Variants in NR3C2 observed in about 807,000 individuals in gnomAD.
NR3C2 encodes mineralocorticoid receptor.
A neutral mutation model predicts 86.4 loss-of-function variants in NR3C2; 15 were observed. The ratio of observed to expected loss-of-function variants is 0.17; its 90% CI spans 0.12 to 0.27. The LOEUF is 0.27. Among genes scored for constraint, NR3C2 ranks in the 10% least tolerant of loss-of-function variants. The pLI is 1.00. For synonymous variants in NR3C2, 458 were observed against 450.5 expected, an observed-to-expected ratio of 1.02 and a Z score of -0.21; for missense variants, 960 against 1,195.6, an observed-to-expected ratio of 0.80 and a Z score of 2.91.
intron 2 of NR3C2, among the ~76,000 whole-genome samples, chr4:148,381,100 C>T (rs1355289516): frequency 2.0e-5 from 3 of 151,926 alleles, no homozygotes; most frequent in East Asian, 1.9e-4. Context: ...TGGTTGCACA[C>T]GCCTGTAGTC....
At chr4:148,241,319 AAAAAAAAAAAAAAAG>A (rs1353478705) in intron 3 of NR3C2, among the ~76,000 whole-genome samples, 1 of 146,050 alleles carries the variant, frequency 6.8e-6, no homozygotes. Flanking sequence ...AAAAAAAAAA[AAAAAAAAAAAAAAAG>A]GGGAAAAATA....
intron 2 of NR3C2, among the ~76,000 whole-genome samples, chr4:148,315,626 G>A (rs72655299): frequency 1.2e-3 from 185 of 152,244 alleles, no homozygotes; most frequent in African/African-American, 4.3e-3. Context: ...AGAAACAGAA[G>A]TATTTATGAA....
chr4:148,087,769 A>T (rs1730882291), intron 8 of NR3C2, among the ~76,000 whole-genome samples: 1 of 152,214 alleles, frequency 6.6e-6, no homozygotes, highest in Admixed American at 6.5e-5. Flanking sequence ...CCCCTAGAAG[A>T]AAACCTAGCC....
At chr4:148,104,279 C>A (rs1449943247) in intron 8 of NR3C2, among the ~76,000 whole-genome samples, 1 of 150,852 alleles carries the variant, frequency 6.6e-6, no homozygotes, top group South Asian at 2.1e-4. Flanking sequence ...GAAATCTTTA[C>A]ACCTATGAAG....
At chr4:148,112,713 T>C (rs890586388) in intron 8 of NR3C2, among the ~76,000 whole-genome samples, 20 of 152,246 alleles carry the variant, frequency 1.3e-4, no homozygotes, top group African/African-American at 3.9e-4. Flanking sequence ...GTAAATGATA[T>C]GCACAGGGTC....
intron 4 of NR3C2, among the ~76,000 whole-genome samples, chr4:148,175,820 T>C (rs1265452270): frequency 6.6e-6 from 1 of 152,114 alleles, no homozygotes; most frequent in Non-Finnish European, 1.5e-5. Context: ...GAAAACTGAA[T>C]TGAAAGAAAT....
chr4:148,306,011 T>G (rs975548307), intron 2 of NR3C2, among the ~76,000 whole-genome samples: 2 of 152,162 alleles, frequency 1.3e-5, no homozygotes, highest in East Asian at 3.9e-4. Context: ...TGGTTCTATT[T>G]TGAAACAGAC....
chr4:148,430,394 G>A (rs1749745582), intron 2 of NR3C2, among the ~76,000 whole-genome samples: 1 of 152,086 alleles, frequency 6.6e-6, no homozygotes, highest in South Asian at 2.1e-4. Context: ...ACTGTACATA[G>A]TGATTTGTGT....
chr4:148,353,404 T>A (rs1745394279), intron 2 of NR3C2, among the ~76,000 whole-genome samples: 1 of 152,090 alleles, frequency 6.6e-6, no homozygotes, highest in Non-Finnish European at 1.5e-5. Context: ...TAGAAGATTG[T>A]TTAAATACGT....
intron 2 of NR3C2, among the ~76,000 whole-genome samples, chr4:148,339,028 T>C (rs1171144531): frequency 1.3e-5 from 2 of 152,118 alleles, no homozygotes; most frequent in African/African-American, 2.4e-5. Flanking sequence ...CATGAGAAAA[T>C]ATTCAGTTCC....
At chr4:148,354,556 G>C (rs1467415415) in intron 2 of NR3C2, among the ~76,000 whole-genome samples, 1 of 151,976 alleles carries the variant, frequency 6.6e-6, no homozygotes, top group Non-Finnish European at 1.5e-5. Flanking sequence ...ATTTTCCAAA[G>C]AATTGTATTA....
intron 2 of NR3C2, among the ~76,000 whole-genome samples, chr4:148,356,278 A>G: frequency 6.6e-6 from 1 of 152,268 alleles, no homozygotes; most frequent in Admixed American, 6.5e-5. Context: ...TAAAATACTG[A>G]TGAAAACTAA....
chr4:148,327,714 T>G (rs1034829941), intron 2 of NR3C2, among the ~76,000 whole-genome samples: 1 of 152,332 alleles, frequency 6.6e-6, no homozygotes, highest in Non-Finnish European at 1.5e-5. Flanking sequence ...CAAATTGTTG[T>G]TCTTGCTAGT....
chr4:148,109,081 T>C (rs1217457564), intron 8 of NR3C2, among the ~76,000 whole-genome samples: 1 of 152,222 alleles, frequency 6.6e-6, no homozygotes, highest in East Asian at 1.9e-4. Flanking sequence ...AAGGAAGTTC[T>C]GGCTGCCACC....
Position 148,423,708 on chromosome 4 carries a change from T to C in NR3C2, c.1757+11396A>G, listed in dbSNP as rs150357753. On this transcript the variant is annotated intron_variant, in intron 2 of 8. Coordinates refer to ENST00000358102, the MANE Select transcript of NR3C2 (RefSeq NM_000901.5). ...GACTAAATAATTTGAAAATTGCCTA[T>C]TATTATTATTATTTTTGAAACAGAG... Among the ~76,000 whole-genome samples, 110 of 152,186 alleles carry C rather than the reference T, an allele frequency of 7.2e-4. No individual in the cohort carries two copies. The East Asian group carries it at 0.014, about 19-fold the overall frequency.
Position 148,160,309 on chromosome 4 carries a change from T to C in NR3C2, c.2015-5408A>G, listed in dbSNP as rs553989744. Among the ~76,000 whole-genome samples, 35 of 152,314 alleles carry C rather than the reference T, an allele frequency of 2.3e-4. No individual in the cohort carries two copies. In the South Asian group the frequency reaches 6.9e-3, roughly 30 times the overall value. On this transcript the variant is annotated intron_variant, in intron 4 of 8. Coordinates refer to ENST00000358102, the MANE Select transcript of NR3C2 (RefSeq NM_000901.5). Reference sequence around the variant, plus strand: ...AGAGCACATCTTGGTGGGACTCTATTAAAACTGTGACAGATTTCTAATGAG... The same window carrying C: ...AGAGCACATCTTGGTGGGACTCTATCAAAACTGTGACAGATTTCTAATGAG...
intron 2 of NR3C2, among the ~76,000 whole-genome samples, chr4:148,338,941 A>G (rs1744622979): frequency 6.6e-6 from 1 of 152,186 alleles, no homozygotes; most frequent in African/African-American, 2.4e-5. Flanking sequence ...TTTCAATAAC[A>G]TCCCTTTTGC....
Position 148,089,109 on chromosome 4 carries a change from T to C in NR3C2, c.2800-7610A>G, listed in dbSNP as rs577339937. 7.9e-5 allele frequency among the ~76,000 whole-genome samples: 12 copies of C among 152,302 alleles called. No homozygotes were observed. The South Asian group carries it at 1.9e-3, about 24-fold the overall frequency. On this transcript the variant is annotated intron_variant, in intron 8 of 8. Coordinates refer to ENST00000358102, the MANE Select transcript of NR3C2 (RefSeq NM_000901.5). ...AAAACACCCCATTAGCAAGCTTTAA[T>C]TGAGTCAGATAGTAAATAACTGTTT...
chr4:148,081,869 C>T (rs1162610495), intron 8 of NR3C2, among the ~76,000 whole-genome samples: 1 of 152,184 alleles, frequency 6.6e-6, no homozygotes, highest in Non-Finnish European at 1.5e-5. Context: ...AGGGGCCTTC[C>T]CAGGGTGTAA....
Sources: allele counts gnomAD v4.1 joint callset (sites outside exome capture counted in the v4.1 genomes callset), GRCh38; gene constraint gnomAD v4.1.1; transcripts MANE v1.5; gene names NCBI Gene and HGNC (gene_info 2026-07-23, HGNC 2026-07-21).